Variants in BICD2 observed in about 807,000 individuals in gnomAD.
BICD2 encodes protein bicaudal D homolog 2.
Under a neutral mutation model 72.9 loss-of-function variants are expected in BICD2, and 25 were observed. That is an observed-to-expected ratio of 0.34 (90% CI 0.25 to 0.48). The LOEUF (loss-of-function observed/expected upper bound fraction) is 0.48, where lower values mean the gene tolerates loss of function less well. BICD2 is among the 20% of genes least tolerant of loss of function. The pLI is 0.99. For missense variants in BICD2, 894 were observed against 1,175.2 expected, an observed-to-expected ratio of 0.76 and a Z score of 3.50; for synonymous variants, 501 against 516.1, an observed-to-expected ratio of 0.97 and a Z score of 0.40.
In BICD2 at chr9:92,720,792, T is replaced by C. The variant is rs763233422; in HGVS notation, c.607-37A>G. On this transcript the variant is annotated intron_variant, in intron 3 of 6. Coordinates refer to ENST00000356884, the MANE Select transcript of BICD2 (RefSeq NM_001003800.2). This position sits in a 1 kb window ranked among gnomAD's most constrained non-coding sequence, Gnocchi z 5.4. Reference sequence around the variant, plus strand: ...AGTCAACGCTCTTGCATCAATGCAATGTGGAAGCTCCTTTCAGGCCCCATA... The same window carrying C: ...AGTCAACGCTCTTGCATCAATGCAACGTGGAAGCTCCTTTCAGGCCCCATA... 1.9e-6 allele frequency: 3 copies of C among 1,592,144 alleles called. No homozygotes were observed. The highest frequency in any genetic ancestry group is 1.3e-5 in the African/African-American group (1 of 74,230).
Position 92,720,963 on chromosome 9 carries a change from T to C in BICD2, c.607-208A>G, listed in dbSNP as rs1853453033. On this transcript the variant is annotated intron_variant, in intron 3 of 6. Transcript: ENST00000356884. This position sits in a 1 kb window ranked among gnomAD's most constrained non-coding sequence, Gnocchi z 5.4. ...TCAGAGATGTGGATGCTAAGAAGGT[T>C]CCAGGGCATGAGATGCGAATGCAAT... Among the ~76,000 whole-genome samples the C allele has an allele frequency of 6.6e-6, 1 of 152,152 alleles. No homozygotes were observed. The highest frequency in any genetic ancestry group is 1.5e-5 in the Non-Finnish European group (1 of 68,030).
chr9:92,722,783 C>G lies in BICD2; in HGVS notation c.479G>C (p.Arg160Pro). The G allele has an allele frequency of 6.2e-7, 1 of 1,613,200 alleles. No homozygotes were observed. Among genetic ancestry groups the G allele is most frequent in the Non-Finnish European group, 8.5e-7 (1 of 1,179,708 alleles). Residue 160 changes from arginine to proline, a missense_variant, in exon 3 of 7, where the codon CGT becomes CCT. Arg to Pro is a moderately radical substitution (Grantham distance 103, BLOSUM62 -2). Around this residue, in one of 5 missense-constraint regions of BICD2, gnomAD observed 192 missense variants for 243.6 expected, o/e 0.79. Transcript: ENST00000356884. The stretch of plus-strand genomic sequence containing the variant: ...CTTGATGTCATCCCGCAGGCGGCCA[C>G]GCTGGATCTCCACATTCTGGTTGAT... ...KEINQNVEIQ[R>P]GRLRDDIKEY... is the part of the protein sequence containing the mutation.
chr9:92,760,126 C>T (rs970417537), intron 1 of BICD2, among the ~76,000 whole-genome samples: 3 of 152,164 alleles, frequency 2.0e-5, no homozygotes, highest in Non-Finnish European at 4.4e-5. Context: ...GCCCAGACTC[C>T]CCCTGTGGAG....
At chr9:92,757,080 G>T (rs529845783) in intron 1 of BICD2, among the ~76,000 whole-genome samples, 1 of 151,922 alleles carries the variant, frequency 6.6e-6, no homozygotes, top group Non-Finnish European at 1.5e-5. Context: ...TTGCTGGGCC[G>T]AGGCAGACTG....
intron 1 of BICD2, among the ~76,000 whole-genome samples, chr9:92,758,159 G>A (rs1271628787): frequency 1.3e-5 from 2 of 151,444 alleles, no homozygotes; most frequent in African/African-American, 4.9e-5. Context: ...AGTCGAGATC[G>A]TGCCACTGCA....
chr9:92,761,689 T>A (rs942731220), intron 1 of BICD2, among the ~76,000 whole-genome samples: 2 of 152,166 alleles, frequency 1.3e-5, no homozygotes, highest in African/African-American at 2.4e-5. Flanking sequence ...CAGAACAAAG[T>A]GTCTCACGGC....
intron 1 of BICD2, among the ~76,000 whole-genome samples, chr9:92,755,110 G>C (rs1490466432): frequency 6.6e-6 from 1 of 152,164 alleles, no homozygotes; most frequent in Non-Finnish European, 1.5e-5. Flanking sequence ...GCACACCTAG[G>C]GGTAGGTCTC....
intron 1 of BICD2, among the ~76,000 whole-genome samples, chr9:92,746,339 C>G (rs1854012053): frequency 6.6e-6 from 1 of 152,050 alleles, no homozygotes; most frequent in African/African-American, 2.4e-5. Context: ...CAAGACCAGC[C>G]TGGCCAACAT....
intron 4 of BICD2, among the ~76,000 whole-genome samples, chr9:92,719,965 A>G (rs957056009): frequency 3.3e-5 from 5 of 152,200 alleles, no homozygotes; most frequent in African/African-American, 1.2e-4. Flanking sequence ...ACAGGGATCC[A>G]TGTCCCAGGG....
rs181777265 is a variant in BICD2, at chr9:92,722,371, G to T, written c.606+285C>A. Among the ~76,000 whole-genome samples, 894 of 152,268 alleles carry T rather than the reference G, an allele frequency of 5.9e-3. 8 individuals are homozygous for T. Among genetic ancestry groups the T allele is most frequent in the Middle Eastern group, 0.014 (4 of 294 alleles). On this transcript the variant is annotated intron_variant, in intron 3 of 6. Transcript: ENST00000356884. Reference sequence around the variant, plus strand: ...CTCAAAGTCCAATCTGGGGTTTTCTGGTGTAACCTCTTCATTACCTCTCAG... The same window carrying T: ...CTCAAAGTCCAATCTGGGGTTTTCTTGTGTAACCTCTTCATTACCTCTCAG...
At chr9:92,751,168 T>G (rs1854142406) in intron 1 of BICD2, among the ~76,000 whole-genome samples, 1 of 151,864 alleles carries the variant, frequency 6.6e-6, no homozygotes, top group Non-Finnish European at 1.5e-5. Flanking sequence ...GTTGTTGTTT[T>G]GAGACAGAGT....
intron 2 of BICD2, among the ~76,000 whole-genome samples, chr9:92,728,273 T>C (rs1448071889): frequency 1.3e-5 from 2 of 152,232 alleles, no homozygotes; most frequent in African/African-American, 4.8e-5. Context: ...TCCTGTGGCC[T>C]TTGCCCCTAT....
chr9:92,759,161 C>T (rs1264124683), intron 1 of BICD2, among the ~76,000 whole-genome samples: 1 of 152,148 alleles, frequency 6.6e-6, no homozygotes, highest in Non-Finnish European at 1.5e-5. Context: ...TGAATTAAAC[C>T]TGCTTTTATG....
chr9:92,731,113 A>G (rs1470684987), intron 1 of BICD2, among the ~76,000 whole-genome samples: 1 of 152,198 alleles, frequency 6.6e-6, no homozygotes, highest in East Asian at 1.9e-4. Flanking sequence ...CATTGGGTGA[A>G]GGGCCCGCCG....
intron 1 of BICD2, among the ~76,000 whole-genome samples, chr9:92,748,516 C>CAGT (rs1854065238): frequency 6.6e-6 from 1 of 152,102 alleles, no homozygotes; most frequent in Admixed American, 6.5e-5. Flanking sequence ...CCACATGCTT[C>CAGT]TACTGGAACC....
In BICD2 at chr9:92,712,734, T is replaced by C. The variant is rs750260288; in HGVS notation, c.*2420A>G. ...CCAGAGCAAAGGTCAAGTTTTCTTCTTGTTACATTGAACTATTCCTAAGAA... is the reference window on the plus strand; with the variant it reads ...CCAGAGCAAAGGTCAAGTTTTCTTCCTGTTACATTGAACTATTCCTAAGAA... On this transcript the variant is annotated 3_prime_UTR_variant, in exon 7 of 7. Transcript: ENST00000356884. 6.6e-6 allele frequency: 1 copy of C among 152,446 alleles called. No individual in the cohort carries two copies. The highest frequency in any genetic ancestry group is 1.5e-5 in the Non-Finnish European group (1 of 68,046). The allele number at this position is 152,446 out of a possible 1,614,324, so 9.4% of individuals were successfully genotyped here.
rs1464453358 is a variant in BICD2, at chr9:92,717,747, G to A, written c.2258+50C>T. ...GCTAAGGGTTCCAGAGGCAAGTGCT[G>A]AGGACAGCTGGCCTTGTGGAAGGGG... On this transcript the variant is annotated intron_variant, in intron 6 of 6. Transcript: ENST00000356884. 3.9e-6 allele frequency: 6 copies of A among 1,546,246 alleles called. No individual in the cohort carries two copies. The African/African-American group carries it at 6.8e-5, about 18-fold the overall frequency.
chr9:92,753,683 C>T (rs1412992990), intron 1 of BICD2, among the ~76,000 whole-genome samples: 1 of 151,830 alleles, frequency 6.6e-6, no homozygotes, highest in Non-Finnish European at 1.5e-5. Context: ...GGACTACAGG[C>T]ACCCGCCACC....
chr9:92,751,850 G>A (rs1191454550), intron 1 of BICD2, among the ~76,000 whole-genome samples: 1 of 150,382 alleles, frequency 6.6e-6, no homozygotes, highest in Admixed American at 6.7e-5. Context: ...TGTCGCCCAG[G>A]CTGGAGTGTA....
Sources: allele counts gnomAD v4.1 joint callset (sites outside exome capture counted in the v4.1 genomes callset), GRCh38; gene constraint gnomAD v4.1.1; regional missense constraint gnomAD v4.1.1; non-coding constraint Gnocchi (gnomAD v3.1); transcripts MANE v1.5; gene names NCBI Gene and HGNC (gene_info 2026-07-23, HGNC 2026-07-21).